Variants in KIF6 observed in about 807,000 individuals in gnomAD.
The protein encoded by KIF6 is kinesin-like protein KIF6.
Under a neutral mutation model 112.7 loss-of-function variants are expected in KIF6, and 106 were observed. The observed-to-expected ratio is 0.94, with a 90% confidence interval of 0.80 to 1.11. The LOEUF is 1.11. Among genes scored for constraint, KIF6 ranks in the 50% least tolerant of loss-of-function variants. The pLI is 0.00. For missense variants in KIF6, 929 were observed against 964.0 expected, an observed-to-expected ratio of 0.96 and a Z score of 0.48; for synonymous variants, 339 against 339.9, an observed-to-expected ratio of 1.00 and a Z score of 0.03.
chr6:39,387,050 G>C (rs937236901), intron 15 of KIF6, among the ~76,000 whole-genome samples: 1 of 152,186 alleles, frequency 6.6e-6, no homozygotes, highest in Admixed American at 6.5e-5. Flanking sequence ...GGCACCTCTA[G>C]AATGTTATAA....
chr6:39,578,108 T>C lies in KIF6; in HGVS notation c.1129A>G (p.Met377Val), dbSNP rs1236892310. The C allele has an allele frequency of 3.1e-6, 5 of 1,614,142 alleles. No homozygotes were observed. Among genetic ancestry groups the C allele is most frequent in the South Asian group, 2.2e-5 (2 of 91,088 alleles). ...TCTGTCCTCTGCTCCCCAGTGACCA[T>C]GGCCAGTTCATCCTTCAGTTCCTGG... Reference protein sequence around the residue: ...EIQELKDELAMVTGEQRTEAL... With the variant: ...EIQELKDELAVVTGEQRTEAL... Residue 377 changes from methionine to valine, a missense_variant, in exon 10 of 23, where the codon ATG (methionine) becomes GTG (valine). Physicochemically the swap from Met to Val is conservative, Grantham distance 21. Around this residue, in one of 2 missense-constraint regions of KIF6, gnomAD observed 688 missense variants for 662.7 expected, o/e 1.04. Transcript: ENST00000287152.
chr6:39,410,156 T>C (rs754202279), intron 15 of KIF6, among the ~76,000 whole-genome samples: 2 of 152,372 alleles, frequency 1.3e-5, no homozygotes, highest in South Asian at 2.1e-4. Flanking sequence ...TCCTGGTTTA[T>C]ATACAGCTGC....
intron 13 of KIF6, among the ~76,000 whole-genome samples, chr6:39,449,378 C>A (rs1203837927): frequency 1.3e-5 from 2 of 152,210 alleles, no homozygotes; most frequent in African/African-American, 2.4e-5. Context: ...TTTGTTCATG[C>A]CTTCTTGGCT....
chr6:39,421,368 T>C (rs532270102), intron 14 of KIF6, among the ~76,000 whole-genome samples: 1 of 152,338 alleles, frequency 6.6e-6, no homozygotes, highest in Non-Finnish European at 1.5e-5. Context: ...AATTGTCCAG[T>C]TTTATTTCAA....
intron 13 of KIF6, among the ~76,000 whole-genome samples, chr6:39,524,878 T>C (rs978762721): frequency 5.3e-5 from 8 of 152,184 alleles, no homozygotes; most frequent in African/African-American, 1.9e-4. Flanking sequence ...CCTACTAATA[T>C]ATGGGGAAAT....
intron 1 of KIF6, among the ~76,000 whole-genome samples, chr6:39,721,781 T>TA (rs1234256756): frequency 4.8e-4 from 62 of 129,700 alleles, no homozygotes; most frequent in South Asian, 1.2e-3. Context: ...TAATGCACCA[T>TA]AAAAAAAAAA....
Position 39,378,751 on chromosome 6 carries a change from T to C in KIF6, c.1861+6871A>G, listed in dbSNP as rs867445714. Reference sequence around the variant, plus strand: ...CACAGGCACCTGTTAAGGGTTTTGATTGTGAACTGAACAAGATCCAGCCCT... The same window carrying C: ...CACAGGCACCTGTTAAGGGTTTTGACTGTGAACTGAACAAGATCCAGCCCT... On this transcript the variant is annotated intron_variant, in intron 16 of 22. Coordinates refer to ENST00000287152, the MANE Select transcript of KIF6 (RefSeq NM_145027.6). This position sits in a 1 kb window ranked among gnomAD's most constrained non-coding sequence, Gnocchi z 5.0. Among the ~76,000 whole-genome samples, 2 of 152,160 alleles carry C rather than the reference T, an allele frequency of 1.3e-5. No individual in the cohort carries two copies. The highest frequency in any genetic ancestry group is 1.3e-4 in the Admixed American group (2 of 15,276).
intron 13 of KIF6, among the ~76,000 whole-genome samples, chr6:39,482,713 C>T (rs1774872771): frequency 6.6e-6 from 1 of 152,214 alleles, no homozygotes; most frequent in Admixed American, 6.5e-5. Context: ...GGAGAGCTGC[C>T]TCCCTCCCAT....
intron 15 of KIF6, among the ~76,000 whole-genome samples, chr6:39,389,104 G>C (rs2150319601): frequency 6.6e-6 from 1 of 152,332 alleles, no homozygotes; most frequent in South Asian, 2.1e-4. Flanking sequence ...ACCGCGAGCA[G>C]GGTATGTGGA....
chr6:39,573,764 CG>C (rs1190268258), intron 10 of KIF6, among the ~76,000 whole-genome samples: 2 of 152,110 alleles, frequency 1.3e-5, no homozygotes, highest in Non-Finnish European at 2.9e-5. Flanking sequence ...TCTGCATTCT[CG>C]TTGTATTTTG....
intron 3 of KIF6, among the ~76,000 whole-genome samples, chr6:39,687,839 T>C (rs1446752091): frequency 6.6e-6 from 1 of 152,202 alleles, no homozygotes; most frequent in African/African-American, 2.4e-5. Flanking sequence ...AGAATGAGGA[T>C]ACTTTTCTAG....
rs1762893339 is a variant in KIF6 at position 39,335,855 on chromosome 6, G to GC, written c.*676dup. 1 of 152,388 alleles carries GC rather than the reference G, an allele frequency of 6.6e-6. No individual in the cohort carries two copies. Among genetic ancestry groups the GC allele is most frequent in the Non-Finnish European group, 1.5e-5 (1 of 68,182 alleles). 9.4% of individuals were successfully genotyped at this position (152,388 alleles called of 1,614,324 possible). A position where few individuals can be genotyped will look rare whatever the true frequency, so the allele number is the denominator to read the frequency against. On this transcript the variant is annotated 3_prime_UTR_variant, in exon 23 of 23. Coordinates refer to ENST00000287152, the MANE Select transcript of KIF6 (RefSeq NM_145027.6). Reference sequence around the variant, plus strand: ...GCTCTCAGCAGAGCCCCTGGGAGCTGCCCACTGTTCTCTGGGTGCTATGAT... The same window carrying GC: ...GCTCTCAGCAGAGCCCCTGGGAGCTGCCCCACTGTTCTCTGGGTGCTATGAT...
At chr6:39,562,291 T>G (rs1435357497) in intron 10 of KIF6, among the ~76,000 whole-genome samples, 2 of 152,210 alleles carry the variant, frequency 1.3e-5, no homozygotes, top group Non-Finnish European at 2.9e-5. Flanking sequence ...TATGGACCTA[T>G]TCTCTGTCTT....
chr6:39,338,533 G>A (rs1037633448), intron 22 of KIF6, among the ~76,000 whole-genome samples: 1 of 152,214 alleles, frequency 6.6e-6, no homozygotes, highest in Non-Finnish European at 1.5e-5. Flanking sequence ...AAGAAGACAA[G>A]TACACCGAGC....
At chr6:39,386,809 T>G (rs1377364834) in intron 15 of KIF6, among the ~76,000 whole-genome samples, 1 of 152,186 alleles carries the variant, frequency 6.6e-6, no homozygotes, top group Non-Finnish European at 1.5e-5. Context: ...CTCAGCACAC[T>G]TGTTAAAATG....
chr6:39,710,816 G>A (rs576014592), intron 3 of KIF6, among the ~76,000 whole-genome samples: 4 of 152,034 alleles, frequency 2.6e-5, no homozygotes, highest in African/African-American at 4.8e-5. Flanking sequence ...TGGGAGGATC[G>A]CCTGAGCCCA....
intron 13 of KIF6, among the ~76,000 whole-genome samples, chr6:39,443,859 T>C (rs1214261911): frequency 6.6e-6 from 1 of 152,228 alleles, no homozygotes; most frequent in Non-Finnish European, 1.5e-5. Context: ...CCTTAGCTTG[T>C]AAGTAAGTAG....
chr6:39,586,454 T>A (rs1223455817), intron 7 of KIF6, 50 bp from the exon 8 acceptor site: 1 of 1,493,620 alleles, frequency 6.7e-7, no homozygotes, highest in Admixed American at 1.7e-5. Context: ...GAAAATGCAC[T>A]CCTGACAAAC....
chr6:39,718,906 T>C (rs1447350262), intron 2 of KIF6, among the ~76,000 whole-genome samples: 2 of 151,466 alleles, frequency 1.3e-5, no homozygotes, highest in Non-Finnish European at 2.9e-5. Context: ...AAAGACACAA[T>C]AAGAAAATGA....
Sources: gnomAD v4.1 joint callset for allele counts (sites outside exome capture counted in the v4.1 genomes callset) on GRCh38, gnomAD v4.1.1 for gene constraint, gnomAD v4.1.1 regional missense constraint, Gnocchi (gnomAD v3.1) non-coding constraint, MANE v1.5 for transcripts, NCBI Gene and HGNC (gene_info 2026-07-23, HGNC 2026-07-21) for gene names.